Variants in ROBO1 observed in about 807,000 individuals in gnomAD.
The protein encoded by ROBO1 is roundabout homolog 1.
ROBO1 carries 149 observed loss-of-function variants against 195.9 expected under a neutral mutation model. The ratio of observed to expected loss-of-function variants is 0.76; its 90% CI spans 0.67 to 0.87. The LOEUF is 0.87. Ranked by LOEUF, ROBO1 falls within the 40% of genes least tolerant of loss-of-function variation. ROBO1 has a pLI of 0.00. For synonymous variants in ROBO1, 816 were observed against 733.2 expected, an observed-to-expected ratio of 1.11 and a Z score of -1.82; for missense variants, 1,933 against 2,068.3, an observed-to-expected ratio of 0.93 and a Z score of 1.27.
At chr3:79,237,254 G>A (rs548081242) in intron 2 of ROBO1, among the ~76,000 whole-genome samples, 33 of 152,182 alleles carry the variant, frequency 2.2e-4, no homozygotes, top group African/African-American at 6.3e-4. Context: ...AGCCCGAGGC[G>A]GGCGGATCAC....
intron 1 of ROBO1, among the ~76,000 whole-genome samples, chr3:79,614,614 A>G (rs978042601): frequency 4.6e-5 from 7 of 152,110 alleles, no homozygotes; most frequent in Non-Finnish European, 8.8e-5. Context: ...CTTTTCTTAG[A>G]ACAATATAAG....
At chr3:79,599,385 T>G (rs1022937615) in intron 1 of ROBO1, among the ~76,000 whole-genome samples, 1 of 152,090 alleles carries the variant, frequency 6.6e-6, no homozygotes, top group Non-Finnish European at 1.5e-5. Context: ...TTAGAATTCA[T>G]AAATGCTTTT....
chr3:79,293,826 A>C (rs1468522009), intron 2 of ROBO1, among the ~76,000 whole-genome samples: 1 of 151,926 alleles, frequency 6.6e-6, no homozygotes, highest in East Asian at 1.9e-4. Context: ...TGGGAGGCCG[A>C]GGTGGGCGGA....
intron 3 of ROBO1, among the ~76,000 whole-genome samples, chr3:79,103,064 A>G (rs924696462): frequency 6.6e-6 from 1 of 151,816 alleles, no homozygotes; most frequent in African/African-American, 2.4e-5. Flanking sequence ...ATTCAATCAC[A>G]TTATTTGATA....
chr3:78,802,502 T>A (rs1397037419), intron 4 of ROBO1, among the ~76,000 whole-genome samples: 4 of 152,096 alleles, frequency 2.6e-5, no homozygotes, highest in Non-Finnish European at 5.9e-5. Flanking sequence ...ACTCCAAATA[T>A]GTAACCAAGA....
intron 2 of ROBO1, among the ~76,000 whole-genome samples, chr3:79,578,015 A>T (rs983063292): frequency 1.3e-5 from 2 of 151,966 alleles, no homozygotes; most frequent in African/African-American, 4.8e-5. Context: ...ACAAATAAAT[A>T]CCTCACCAAA....
intron 25 of ROBO1, among the ~76,000 whole-genome samples, chr3:78,627,954 C>CTTTTTT (rs11445603): frequency 7.0e-6 from 1 of 143,432 alleles, no homozygotes; most frequent in Non-Finnish European, 1.5e-5. Context: ...AAAAATTACT[C>CTTTTTT]TTTTTTTTTT....
chr3:78,689,850 T>C (rs2081132528), intron 8 of ROBO1, among the ~76,000 whole-genome samples: 3 of 151,940 alleles, frequency 2.0e-5, no homozygotes, highest in Admixed American at 6.6e-5. Context: ...TGAATCAAAT[T>C]AGATTCAGAT....
chr3:78,886,788 TA>T (rs1576347433), intron 4 of ROBO1, among the ~76,000 whole-genome samples: 1 of 152,022 alleles, frequency 6.6e-6, no homozygotes, highest in African/African-American at 2.4e-5. Flanking sequence ...TATACAAAGA[TA>T]AAAAACCATT....
Position 78,875,746 on chromosome 3 carries a change from T to A in ROBO1, c.499+62855A>T, listed in dbSNP as rs112470796. ...AAGCAAAACGTTACAGAGAGAAGCA[T>A]GAAAATCTGTCCCACCTGGAGATTA... On this transcript the variant is annotated intron_variant, in intron 4 of 30. Coordinates refer to ENST00000464233, the MANE Select transcript of ROBO1 (RefSeq NM_002941.4). Among the ~76,000 whole-genome samples the A allele has an allele frequency of 5.1e-3, 778 of 152,128 alleles. 17 individuals carry two copies. The highest frequency in any genetic ancestry group is 0.016 in the African/African-American group (682 of 41,550).
intron 2 of ROBO1, among the ~76,000 whole-genome samples, chr3:79,569,915 T>C (rs1943223691): frequency 6.6e-6 from 1 of 151,758 alleles, no homozygotes; most frequent in South Asian, 2.1e-4. Flanking sequence ...CTTAGGCAAC[T>C]TGGGAAGACC....
intron 2 of ROBO1, among the ~76,000 whole-genome samples, chr3:79,245,655 A>C (rs1023609494): frequency 6.6e-6 from 1 of 151,980 alleles, no homozygotes; most frequent in African/African-American, 2.4e-5. Context: ...ATGCAAAGGG[A>C]AAAGGCAAAG....
intron 2 of ROBO1, among the ~76,000 whole-genome samples, chr3:79,548,851 C>T (rs1194927191): frequency 6.6e-6 from 1 of 152,114 alleles, no homozygotes; most frequent in Non-Finnish European, 1.5e-5. Context: ...ATTGCTTGCT[C>T]CATCATTGAG....
intron 8 of ROBO1, among the ~76,000 whole-genome samples, chr3:78,698,018 A>G (rs2081339388): frequency 6.6e-6 from 1 of 152,132 alleles, no homozygotes. Context: ...GCTAAATTCT[A>G]ATGAATCCTT....
chr3:78,968,271 C>CTTT (rs35361494), intron 3 of ROBO1, among the ~76,000 whole-genome samples: 5 of 119,452 alleles, frequency 4.2e-5, no homozygotes, highest in South Asian at 2.7e-4. Flanking sequence ...TGTATAGATT[C>CTTT]TTTTTTTTTT....
intron 2 of ROBO1, among the ~76,000 whole-genome samples, chr3:79,392,446 T>G (rs765279751): frequency 6.6e-6 from 1 of 152,072 alleles, no homozygotes; most frequent in Non-Finnish European, 1.5e-5. Context: ...ACGGCACCCA[T>G]GGAGAAAAAT....
At chr3:79,438,605 C>T (rs2038959996) in intron 2 of ROBO1, among the ~76,000 whole-genome samples, 2 of 151,768 alleles carry the variant, frequency 1.3e-5, no homozygotes, top group Admixed American at 1.3e-4. Flanking sequence ...TCTTAAGTAC[C>T]CTCATAGAAA....
At chr3:79,076,885 T>C (rs181891208) in intron 3 of ROBO1, among the ~76,000 whole-genome samples, 37 of 152,004 alleles carry the variant, frequency 2.4e-4, no homozygotes, top group African/African-American at 7.5e-4. Context: ...TAGACAATTT[T>C]TCATATTTAA....
At chr3:79,764,922 T>C (rs962078697) in intron 1 of ROBO1, among the ~76,000 whole-genome samples, 4 of 152,156 alleles carry the variant, frequency 2.6e-5, no homozygotes, top group African/African-American at 9.7e-5. Context: ...TGGGACTCCC[T>C]AGGCAGCTGT....
Sources: gnomAD v4.1 joint callset for allele counts (sites outside exome capture counted in the v4.1 genomes callset) on GRCh38, gnomAD v4.1.1 for gene constraint, MANE v1.5 for transcripts, NCBI Gene and HGNC (gene_info 2026-07-23, HGNC 2026-07-21) for gene names.